The following SLC9A8 variants were observed in gnomAD, a reference collection of about 807,000 sequenced individuals.
SLC9A8 encodes the protein sodium/hydrogen exchanger 8.
A neutral mutation model predicts 66.6 loss-of-function variants in SLC9A8; 48 were observed. That is an observed-to-expected ratio of 0.72 (90% confidence interval 0.57 to 0.92). SLC9A8 has a LOEUF of 0.92. Among genes scored for constraint, SLC9A8 ranks in the 40% least tolerant of loss-of-function variants. SLC9A8 has a pLI of 0.00. For missense variants in SLC9A8, 599 were observed against 747.3 expected (o/e 0.80, Z 2.31); for synonymous variants, 274 against 282.6 (o/e 0.97, Z 0.31).
Position 49,884,493 on chromosome 20 carries a change from C to A in SLC9A8, c.1491+427C>A, listed in dbSNP as rs185076389. On this transcript the variant is annotated intron_variant, in intron 14 of 15. Transcript: ENST00000361573. ...CTCTCTGAAGCTCCATGGGGCACCACAGGAGTCTGGACCTGTGCCACAACC... is the reference window on the plus strand; with the variant it reads ...CTCTCTGAAGCTCCATGGGGCACCAAAGGAGTCTGGACCTGTGCCACAACC... Among the ~76,000 whole-genome samples, 49 of 152,212 alleles carry A rather than the reference C, an allele frequency of 3.2e-4. No individual in the cohort carries two copies. The East Asian group carries it at 9.1e-3, about 28-fold the overall frequency.
In SLC9A8 at chr20:49,815,701, C is replaced by T. The variant is rs553032030; in HGVS notation, c.208+512C>T. Among the ~76,000 whole-genome samples the T allele has an allele frequency of 1.5e-4, 23 of 151,758 alleles. No homozygotes were observed. The South Asian group carries it at 4.4e-3, about 29-fold the overall frequency. On this transcript the variant is annotated intron_variant, in intron 2 of 15. Transcript: ENST00000361573. ...CAGAGGTTGCAGTGAGCCGAGATCA[C>T]GCCGCTGCACTCCAGCCTGGATGAC...
intron 1 of SLC9A8, among the ~76,000 whole-genome samples, chr20:49,813,887 A>G (rs1486357405): frequency 1.3e-5 from 2 of 152,170 alleles, no homozygotes; most frequent in African/African-American, 4.8e-5. Flanking sequence ...GAGATGGGGA[A>G]GGACGGGCTG....
intron 3 of SLC9A8, among the ~76,000 whole-genome samples, chr20:49,827,147 G>A (rs1330781542): frequency 6.6e-6 from 1 of 151,312 alleles, no homozygotes; most frequent in Non-Finnish European, 1.5e-5. Flanking sequence ...TCACCATGTC[G>A]GCCAGGCTGG....
chr20:49,823,380 C>T (rs767926563), intron 3 of SLC9A8, among the ~76,000 whole-genome samples: 3 of 152,170 alleles, frequency 2.0e-5, no homozygotes, highest in Non-Finnish European at 4.4e-5. Flanking sequence ...CAGCTCTGTA[C>T]AGCTCAAAGG....
chr20:49,888,018 A>T lies in SLC9A8; in HGVS notation c.*82A>T. On this transcript the variant is annotated 3_prime_UTR_variant, in exon 16 of 16. Transcript: ENST00000361573. ...GACACTCAGCAGGGGCCTCGCAGAG[A>T]TGCGTGCATCCAGCAGCCCCTTCAA... 4 of 1,078,748 alleles carry T rather than the reference A, an allele frequency of 3.7e-6. No homozygotes were observed. In the South Asian group the frequency reaches 5.1e-5, roughly 14 times the overall value. The allele number at this position is 1,078,748 out of a possible 1,614,324, so 66.8% of individuals were successfully genotyped here.
At chr20:49,844,869 G>A (rs751013672) in intron 4 of SLC9A8, among the ~76,000 whole-genome samples, 167 bp from the exon 5 acceptor site, 2 of 150,696 alleles carry the variant, frequency 1.3e-5, no homozygotes, top group Non-Finnish European at 3.0e-5. Flanking sequence ...TTTTTGGTGG[G>A]GGAATCTCTC....
intron 4 of SLC9A8, among the ~76,000 whole-genome samples, chr20:49,843,702 T>G (rs2087860777): frequency 6.6e-6 from 1 of 152,202 alleles, no homozygotes; most frequent in African/African-American, 2.4e-5. Context: ...CCTCCAAAGA[T>G]GGCTATATTC....
At chr20:49,867,262 T>TG (rs1568859419) in intron 10 of SLC9A8, among the ~76,000 whole-genome samples, 3 of 152,058 alleles carry the variant, frequency 2.0e-5, no homozygotes, top group Non-Finnish European at 4.4e-5. Flanking sequence ...ACAATTTTTT[T>TG]TGTGTGTGTG....
At chr20:49,832,127 T>C (rs985443364) in intron 3 of SLC9A8, among the ~76,000 whole-genome samples, 1 of 152,186 alleles carries the variant, frequency 6.6e-6, no homozygotes, top group Non-Finnish European at 1.5e-5. Context: ...GCCCCTTGCA[T>C]GCCCACTGCT....
intron 3 of SLC9A8, among the ~76,000 whole-genome samples, chr20:49,828,917 A>G (rs6020072): frequency 0.66 from 99,942 of 151,272 alleles, 34,062 homozygotes; most frequent in African/African-American, 0.82. Flanking sequence ...CACACAGTAT[A>G]GATGTGTGTG....
intron 3 of SLC9A8, among the ~76,000 whole-genome samples, chr20:49,838,256 A>G (rs2087621423): frequency 6.6e-6 from 1 of 152,188 alleles, no homozygotes. Flanking sequence ...GACATTTTAC[A>G]TAGTATCCGC....
chr20:49,818,984 G>A (rs909781312), intron 2 of SLC9A8, among the ~76,000 whole-genome samples: 1 of 152,142 alleles, frequency 6.6e-6, no homozygotes, highest in South Asian at 2.1e-4. Context: ...GGTAACTTTT[G>A]TGTCCTGTAA....
rs370452217 is a variant in SLC9A8 at position 49,870,165 on chromosome 20, C to A, written c.959-4540C>A. ...CAAGAAATACTTATTAAATGTCCAC[C>A]CTATGCTGAGAACTATCCTTGCTGT... On this transcript the variant is annotated intron_variant, in intron 10 of 15. Coordinates refer to ENST00000361573, the MANE Select transcript of SLC9A8 (RefSeq NM_015266.3). 2.0e-4 allele frequency among the ~76,000 whole-genome samples: 31 copies of A among 152,254 alleles called. No homozygotes were observed. In the East Asian group the frequency reaches 5.2e-3, roughly 26 times the overall value.
At chr20:49,865,808 G>A (rs1340427363) in intron 10 of SLC9A8, among the ~76,000 whole-genome samples, 2 of 152,212 alleles carry the variant, frequency 1.3e-5, no homozygotes, top group Non-Finnish European at 2.9e-5. Flanking sequence ...CCTGTGTGAG[G>A]GGGCAGCCAG....
chr20:49,887,650 A>T (rs1241509205), intron 15 of SLC9A8, among the ~76,000 whole-genome samples, 179 bp from the exon 16 acceptor site: 4 of 151,928 alleles, frequency 2.6e-5, no homozygotes, highest in African/African-American at 7.3e-5. Flanking sequence ...CGTGACCTCC[A>T]CCCCCACAAA....
At chr20:49,821,651 A>G (rs937292652) in intron 2 of SLC9A8, among the ~76,000 whole-genome samples, 1 of 152,160 alleles carries the variant, frequency 6.6e-6, no homozygotes, top group Admixed American at 6.5e-5. Flanking sequence ...TAGTCCTGTT[A>G]ATACTGTGGT....
In SLC9A8 at chr20:49,891,920, A is replaced by G. The variant is rs1210997261; in HGVS notation, c.*3984A>G. 3 of 152,242 alleles carry G rather than the reference A, an allele frequency of 2.0e-5. No homozygotes were observed. The highest frequency in any genetic ancestry group is 7.2e-5 in the African/African-American group (3 of 41,458). The allele number at this position is 152,242 out of a possible 1,614,324, so 9.4% of individuals were successfully genotyped here. On this transcript the variant is annotated 3_prime_UTR_variant, in exon 16 of 16. Transcript: ENST00000361573. ...GGATGTGAATCTTACATTCCTTTTC[A>G]TCATTTCCTTTGTAAAAATGACGAG...
At chr20:49,823,312 C>G (rs953774965) in intron 3 of SLC9A8, among the ~76,000 whole-genome samples, 171 bp downstream of exon 3, 2 of 152,158 alleles carry the variant, frequency 1.3e-5, no homozygotes, top group African/African-American at 4.8e-5. Context: ...GATGAGGACA[C>G]TGGGGCTCAA....
At chr20:49,822,055 G>A (rs1440501207) in intron 2 of SLC9A8, among the ~76,000 whole-genome samples, 1 of 152,104 alleles carries the variant, frequency 6.6e-6, no homozygotes, top group Non-Finnish European at 1.5e-5. Flanking sequence ...AGAAGATAGT[G>A]GTAATGACAG....
Sources: allele counts gnomAD v4.1 joint callset (sites outside exome capture counted in the v4.1 genomes callset), GRCh38; gene constraint gnomAD v4.1.1; transcripts MANE v1.5; gene names NCBI Gene and HGNC (gene_info 2026-07-23, HGNC 2026-07-21).